BLOC1S6: variants seen among roughly 807,000 people sequenced by gnomAD.
BLOC1S6 encodes biogenesis of lysosome-related organelles complex 1 subunit 6.
In BLOC1S6, 24 loss-of-function variants were observed where a neutral mutation model predicts 24.7. The ratio of observed to expected loss-of-function variants is 0.97; its 90% CI spans 0.70 to 1.37. BLOC1S6 has a LOEUF of 1.37. Ranked by LOEUF, BLOC1S6 falls within the 40% of genes most tolerant of loss-of-function variation. The pLI is 0.00. For missense variants in BLOC1S6, 175 were observed against 196.2 expected (o/e 0.89, Z 0.64); for synonymous variants, 76 against 72.6 (o/e 1.05, Z -0.23).
In BLOC1S6 at chr15:45,607,346, T is replaced by G. The variant is rs958799878; in HGVS notation, c.*832T>G. The G allele has an allele frequency of 3.3e-5, 5 of 152,232 alleles. No homozygotes were observed. The highest frequency in any genetic ancestry group is 5.9e-5 in the Non-Finnish European group (4 of 68,072). 9.4% of individuals were successfully genotyped at this position (152,232 alleles called of 1,614,324 possible). The stretch of plus-strand genomic sequence containing the variant: ...TGTGGCTTTTGGGTTCAAAGTAGAT[T>G]ATATATATTCCTAAAGCTTGGTGGA... On this transcript the variant is annotated 3_prime_UTR_variant, in exon 5 of 5. Coordinates refer to ENST00000220531, the MANE Select transcript of BLOC1S6 (RefSeq NM_012388.4).
At chr15:45,594,615 A>G (rs1893999164) in intron 2 of BLOC1S6, among the ~76,000 whole-genome samples, 1 of 152,162 alleles carries the variant, frequency 6.6e-6, no homozygotes, top group African/African-American at 2.4e-5. Flanking sequence ...ACTGAGTCTC[A>G]TTCTGTCATC....
At chr15:45,600,376 A>G (rs569550842) in intron 2 of BLOC1S6, among the ~76,000 whole-genome samples, 1 of 152,310 alleles carries the variant, frequency 6.6e-6, no homozygotes, top group Non-Finnish European at 1.5e-5. Context: ...GAGAGGGGAC[A>G]TAGCTTGTTC....
intron 2 of BLOC1S6, among the ~76,000 whole-genome samples, chr15:45,594,284 TATAA>T (rs1470811055): frequency 6.6e-6 from 1 of 152,184 alleles, no homozygotes; most frequent in Non-Finnish European, 1.5e-5. Context: ...TAAGAAAGGT[TATAA>T]ATATTCATTT....
rs1448630944 is a variant in BLOC1S6 at position 45,608,639 on chromosome 15, G to A, written c.*2125G>A. 1.3e-5 allele frequency: 2 copies of A among 152,136 alleles called. No individual in the cohort carries two copies. The highest frequency in any genetic ancestry group is 2.1e-4 in the South Asian group (1 of 4,830). The allele number at this position is 152,136 out of a possible 1,614,324, so 9.4% of individuals were successfully genotyped here. ...TTAGTGGTACGTTGGGGTTTCCCAC[G>A]CTAGGCTGCATAGCATTATAACCTG... On this transcript the variant is annotated 3_prime_UTR_variant, in exon 5 of 5. Transcript: ENST00000220531.
At chr15:45,594,861 A>C (rs1168241949) in intron 2 of BLOC1S6, among the ~76,000 whole-genome samples, 1 of 152,148 alleles carries the variant, frequency 6.6e-6, no homozygotes, top group Non-Finnish European at 1.5e-5. Context: ...CTAGGGTTAC[A>C]GGTGTGAGCC....
upstream of BLOC1S6, chr15:45,587,274 G>C: frequency 1.4e-6 from 1 of 695,060 alleles, no homozygotes; most frequent in Admixed American, 2.1e-5. Context: ...CAACGCCATG[G>C]GGCAGAGCCA....
intron 2 of BLOC1S6, among the ~76,000 whole-genome samples, chr15:45,595,057 GAGA>G (rs1490916069): frequency 1.8e-4 from 28 of 152,180 alleles, no homozygotes; most frequent in African/African-American, 6.3e-4. Flanking sequence ...CTCTCCCAGT[GAGA>G]GGAAACCCCC....
At chr15:45,587,591 G>A in intron 1 of BLOC1S6, 66 bp downstream of exon 1, 3 of 1,428,620 alleles carry the variant, frequency 2.1e-6, no homozygotes, top group South Asian at 2.5e-5. Context: ...TGAGTGAGTA[G>A]AACTCCGGAG....
chr15:45,601,076 A>G (rs1481535785), intron 2 of BLOC1S6, among the ~76,000 whole-genome samples: 1 of 152,216 alleles, frequency 6.6e-6, no homozygotes, highest in African/African-American at 2.4e-5. Context: ...TTACATACCT[A>G]TGATAAAGTT....
At position 45,606,377 on chromosome 15, in the gene BLOC1S6, A is replaced by AT. The variant is rs373061008; in HGVS notation, c.400-8dup. On this transcript the variant is annotated splice_polypyrimidine_tract_variant and intron_variant, in intron 4 of 4. Coordinates refer to ENST00000220531, the MANE Select transcript of BLOC1S6 (RefSeq NM_012388.4). The stretch of plus-strand genomic sequence containing the variant: ...CCCTGATTGCTCTCTTGGTTTTTAA[A>AT]TTTTTTTTTTAACACAGAAAAGAGC... The AT allele has an allele frequency of 0.024, 37,676 of 1,560,492 alleles. 394 individuals carry two copies. Among genetic ancestry groups the AT allele is most frequent in the Non-Finnish European group, 0.025 (28,439 of 1,140,330 alleles).
chr15:45,598,355 A>T (rs1894153895), intron 2 of BLOC1S6: 2 of 117,076 alleles, frequency 1.7e-5, no homozygotes, highest in Non-Finnish European at 3.5e-5. Flanking sequence ...GGAGAAGGAA[A>T]TAAAGGGTAT....
At chr15:45,587,227 T>C, upstream of BLOC1S6, 1 of 615,974 alleles carries the variant, frequency 1.6e-6, no homozygotes. Flanking sequence ...TGACACTGCG[T>C]CCGGGGCCAG....
chr15:45,602,240 G>A, intron 2 of BLOC1S6: 1 of 551,028 alleles, frequency 1.8e-6, no homozygotes, highest in East Asian at 2.9e-5. Flanking sequence ...ACTCAGTGCT[G>A]GATAGTAGAG....
chr15:45,595,490 T>C (rs934455193), intron 2 of BLOC1S6, among the ~76,000 whole-genome samples: 2 of 152,216 alleles, frequency 1.3e-5, no homozygotes, highest in Admixed American at 6.5e-5. Context: ...GTTTTTCTTA[T>C]TGTTGAGTTT....
chr15:45,598,382 G>A (rs1894154729), intron 2 of BLOC1S6: 1 of 103,444 alleles, frequency 9.7e-6, no homozygotes, highest in South Asian at 4.0e-4. Flanking sequence ...AGGAAAAGAG[G>A]AAGTCAAATT....
intron 3 of BLOC1S6, among the ~76,000 whole-genome samples, chr15:45,604,310 G>A (rs1353001410): frequency 6.6e-6 from 1 of 152,084 alleles, no homozygotes; most frequent in African/African-American, 2.4e-5. Flanking sequence ...TTTTCCATTT[G>A]TAACAATTAA....
At chr15:45,594,940 G>A (rs1008653304) in intron 2 of BLOC1S6, among the ~76,000 whole-genome samples, 3 of 152,036 alleles carry the variant, frequency 2.0e-5, no homozygotes, top group Non-Finnish European at 4.4e-5. Flanking sequence ...GGAAAGCACT[G>A]TACTTAAAAT....
rs930973965 is a variant in BLOC1S6 at position 45,608,325 on chromosome 15, G to C, written c.*1811G>C. 2 of 152,240 alleles carry C rather than the reference G, an allele frequency of 1.3e-5. No homozygotes were observed. Among genetic ancestry groups the C allele is most frequent in the African/African-American group, 4.8e-5 (2 of 41,460 alleles). The allele number at this position is 152,240 out of a possible 1,614,324, so 9.4% of individuals were successfully genotyped here. ...TATTTTATTTGAAAGGCTGAGTGTT[G>C]CCCTCAAACACTTGCTAAAACTGCC... On this transcript the variant is annotated 3_prime_UTR_variant, in exon 5 of 5. Transcript: ENST00000220531.
intron 2 of BLOC1S6, chr15:45,602,281 T>C (rs898298529): frequency 2.7e-5 from 17 of 628,446 alleles, no homozygotes; most frequent in Middle Eastern, 2.9e-4. Flanking sequence ...CTGTTCGTTG[T>C]TATTTCTTTT....
Sources: allele counts gnomAD v4.1 joint callset (sites outside exome capture counted in the v4.1 genomes callset), GRCh38; gene constraint gnomAD v4.1.1; transcripts MANE v1.5; gene names NCBI Gene and HGNC (gene_info 2026-07-23, HGNC 2026-07-21).